SLC16A7: variants seen among roughly 807,000 people sequenced by gnomAD.
The protein encoded by SLC16A7 is monocarboxylate transporter 2.
In SLC16A7, 33 loss-of-function variants were observed where a neutral mutation model predicts 34.9. That is an observed-to-expected ratio of 0.94 (90% CI 0.72 to 1.26). The LOEUF (loss-of-function observed/expected upper bound fraction) is 1.26, where lower values mean the gene tolerates loss of function less well. Ranked by LOEUF, SLC16A7 falls within the 50% of genes most tolerant of loss-of-function variation. The pLI is 0.00. For synonymous variants in SLC16A7, 201 were observed against 206.6 expected (o/e 0.97, Z 0.23); for missense variants, 573 against 578.1 (o/e 0.99, Z 0.09).
At chr12:59,669,915 T>G (rs1048729255) in intron 2 of SLC16A7, among the ~76,000 whole-genome samples, 1 of 152,162 alleles carries the variant, frequency 6.6e-6, no homozygotes, top group Non-Finnish European at 1.5e-5. Flanking sequence ...TAATGTGAAT[T>G]TATATAAAAC....
Position 59,775,567 on chromosome 12 carries a change from A to G in SLC16A7, c.1180+92A>G. 3.5e-6 allele frequency: 3 copies of G among 862,132 alleles called. No individual in the cohort carries two copies. In the South Asian group the frequency reaches 5.2e-5, roughly 15 times the overall value. The allele number at this position is 862,132 out of a possible 1,614,324, so 53.4% of individuals were successfully genotyped here. A position where few individuals can be genotyped will look rare whatever the true frequency, so the allele number is the denominator to read the frequency against. ...ATACAGATGTTTAAATGTGTTTTAT[A>G]ATAATACTAATAGCCTGAAGGAATA... On this transcript the variant is annotated intron_variant, in intron 5 of 5. Coordinates refer to ENST00000547379, the MANE Select transcript of SLC16A7 (RefSeq NM_001270623.2).
intron 2 of SLC16A7, among the ~76,000 whole-genome samples, chr12:59,672,925 C>G (rs1268577324): frequency 2.0e-5 from 3 of 152,120 alleles, no homozygotes; most frequent in African/African-American, 7.2e-5. Flanking sequence ...CAAGATAGTT[C>G]TGCAAGTGTA....
intron 2 of SLC16A7, among the ~76,000 whole-genome samples, chr12:59,690,095 T>C (rs1190368946): frequency 6.6e-6 from 1 of 151,972 alleles, no homozygotes; most frequent in African/African-American, 2.4e-5. Context: ...AAACGGGATA[T>C]ACACACAATG....
intron 1 of SLC16A7, among the ~76,000 whole-genome samples, chr12:59,628,362 G>T (rs949348810): frequency 3.3e-5 from 5 of 151,768 alleles, no homozygotes; most frequent in Non-Finnish European, 2.9e-5. Flanking sequence ...GGGCAATCAT[G>T]TACTAGCCTC....
intron 2 of SLC16A7, among the ~76,000 whole-genome samples, chr12:59,673,650 A>C (rs898289210): frequency 7.9e-5 from 12 of 152,146 alleles, no homozygotes; most frequent in Admixed American, 4.6e-4. Flanking sequence ...AAGATGAATA[A>C]AATATTGCAA....
At chr12:59,760,396 C>A (rs537394875) in intron 3 of SLC16A7, among the ~76,000 whole-genome samples, 15 of 152,150 alleles carry the variant, frequency 9.9e-5, no homozygotes, top group African/African-American at 3.6e-4. Context: ...TCATAGTAAA[C>A]TCACAATCGC....
intron 3 of SLC16A7, among the ~76,000 whole-genome samples, chr12:59,716,127 C>T (rs1279381727): frequency 6.6e-6 from 1 of 152,208 alleles, no homozygotes; most frequent in Non-Finnish European, 1.5e-5. Context: ...TGATGAACAA[C>T]TGAAGATCCA....
At chr12:59,764,231 C>T (rs1881305361) in intron 3 of SLC16A7, among the ~76,000 whole-genome samples, 1 of 152,124 alleles carries the variant, frequency 6.6e-6, no homozygotes, top group Non-Finnish European at 1.5e-5. Flanking sequence ...ATTCCCTAAG[C>T]CAGAGCCTAA....
chr12:59,724,741 G>A (rs61933775), intron 3 of SLC16A7, among the ~76,000 whole-genome samples: 18,603 of 151,690 alleles, frequency 0.12, 1,490 homozygotes, highest in African/African-American at 0.22. Flanking sequence ...GATGTCACTC[G>A]GAATATTATC....
At chr12:59,692,428 T>C (rs1871780884) in intron 2 of SLC16A7, among the ~76,000 whole-genome samples, 1 of 151,980 alleles carries the variant, frequency 6.6e-6, no homozygotes, top group South Asian at 2.1e-4. Flanking sequence ...TTTGAGTATA[T>C]CTTGTCCGAA....
intron 1 of SLC16A7, among the ~76,000 whole-genome samples, chr12:59,609,884 A>G (rs892747498): frequency 6.6e-6 from 1 of 152,186 alleles, no homozygotes; most frequent in Non-Finnish European, 1.5e-5. Context: ...GGAATGAGAA[A>G]GGAGAGAAGG....
At chr12:59,626,690 C>G (rs1879943770) in intron 1 of SLC16A7, among the ~76,000 whole-genome samples, 1 of 151,726 alleles carries the variant, frequency 6.6e-6, no homozygotes, top group African/African-American at 2.4e-5. Context: ...GGCCTGAGCT[C>G]AGAGTAACTC....
rs146259910 is a variant in SLC16A7, at chr12:59,701,969, G to T, written c.-30-2803G>T. Reference sequence around the variant, plus strand: ...TTTTCTTTATGCAAGCAGGAAAACTGCAGAGTGAGGACTTTAAGCCCCATA... The same window carrying T: ...TTTTCTTTATGCAAGCAGGAAAACTTCAGAGTGAGGACTTTAAGCCCCATA... On this transcript the variant is annotated intron_variant, in intron 2 of 5. Coordinates refer to ENST00000547379, the MANE Select transcript of SLC16A7 (RefSeq NM_001270623.2). Among the ~76,000 whole-genome samples, 212 of 151,916 alleles carry T rather than the reference G, an allele frequency of 1.4e-3. 1 individual carries two copies. The highest frequency in any genetic ancestry group is 6.8e-3 in the Middle Eastern group (2 of 294).
chr12:59,684,165 G>A (rs1870965447), intron 2 of SLC16A7, among the ~76,000 whole-genome samples: 1 of 152,192 alleles, frequency 6.6e-6, no homozygotes, highest in Non-Finnish European at 1.5e-5. Flanking sequence ...AACTCTAAAA[G>A]AGGACATTTT....
chr12:59,625,801 T>G (rs1331710052), intron 1 of SLC16A7, among the ~76,000 whole-genome samples: 1 of 151,704 alleles, frequency 6.6e-6, no homozygotes, highest in Non-Finnish European at 1.5e-5. Flanking sequence ...GAGAAGCAAA[T>G]TGAGGGAAAG....
At chr12:59,722,902 T>C (rs1875778042) in intron 3 of SLC16A7, among the ~76,000 whole-genome samples, 1 of 151,972 alleles carries the variant, frequency 6.6e-6, no homozygotes, top group African/African-American at 2.4e-5. Flanking sequence ...ATATATGTTA[T>C]CCACTAGTCA....
In SLC16A7 at chr12:59,787,086, A is replaced by G. The variant is rs1230946494; in HGVS notation, c.*7407A>G. On this transcript the variant is annotated 3_prime_UTR_variant, in exon 6 of 6. Transcript: ENST00000547379. ...TAGCAATATCAAAATCATTTAAAAC[A>G]TCAATATTGTATTAATAGAAAACAT... 2 of 151,306 alleles carry G rather than the reference A, an allele frequency of 1.3e-5. No individual in the cohort carries two copies. Among genetic ancestry groups the G allele is most frequent in the Admixed American group, 6.6e-5 (1 of 15,256 alleles). The allele number at this position is 151,306 out of a possible 1,614,324, so 9.4% of individuals were successfully genotyped here. A position where few individuals can be genotyped will look rare whatever the true frequency, so the allele number is the denominator to read the frequency against.
At chr12:59,647,915 T>G (rs531336269) in intron 1 of SLC16A7, among the ~76,000 whole-genome samples, 139 of 151,716 alleles carry the variant, frequency 9.2e-4, no homozygotes, top group African/African-American at 3.3e-3. Flanking sequence ...TAGCCAGATG[T>G]GGTGGAACAT....
intron 3 of SLC16A7, among the ~76,000 whole-genome samples, chr12:59,733,210 C>A (rs1331738709): frequency 6.6e-6 from 1 of 152,184 alleles, no homozygotes; most frequent in Non-Finnish European, 1.5e-5. Context: ...TTCAAGCCTG[C>A]TGGGCTCATT....
Sources: gnomAD v4.1 joint callset for allele counts (sites outside exome capture counted in the v4.1 genomes callset) on GRCh38, gnomAD v4.1.1 for gene constraint, MANE v1.5 for transcripts, NCBI Gene and HGNC (gene_info 2026-07-23, HGNC 2026-07-21) for gene names.